MYLK: variants seen among roughly 807,000 people sequenced by gnomAD.
MYLK encodes the protein myosin light chain kinase, smooth muscle.
Under a neutral mutation model 203.4 loss-of-function variants are expected in MYLK, and 106 were observed. The ratio of observed to expected loss-of-function variants is 0.52; its 90% CI spans 0.45 to 0.61. The LOEUF (loss-of-function observed/expected upper bound fraction) is 0.61. Ranked by LOEUF, MYLK falls within the 20% of genes least tolerant of loss-of-function variation. The probability of loss-of-function intolerance (pLI) is 0.00; values close to 1 mark genes in which losing one functional copy is unlikely to be tolerated. For missense variants in MYLK, 2,072 were observed against 2,442.3 expected (o/e 0.85, Z 3.20); for synonymous variants, 867 against 959.5 (o/e 0.90, Z 1.78).
chr3:123,629,390 C>T lies in MYLK; in HGVS notation c.5114+84G>A. ...CCAAGGCGGGGTGGCAAGGAGGGCACCCCAACAGGCAAAGGAATCCCCCTT... is the reference window on the plus strand; with the variant it reads ...CCAAGGCGGGGTGGCAAGGAGGGCATCCCAACAGGCAAAGGAATCCCCCTT... On this transcript the variant is annotated intron_variant, in intron 30 of 33. Transcript: ENST00000360304. This position sits in a 1 kb window ranked among gnomAD's most constrained non-coding sequence, Gnocchi z 4.4. The T allele has an allele frequency of 6.4e-7, 1 of 1,565,722 alleles. No homozygotes were observed. The highest frequency in any genetic ancestry group is 8.8e-7 in the Non-Finnish European group (1 of 1,142,388).
rs28529354 is a variant in MYLK at position 123,640,599 on chromosome 3, T to C, written c.4620-95A>G. The C allele has an allele frequency of 4.6e-3, 6,194 of 1,358,958 alleles. 160 individuals are homozygous for C. In the African/African-American group the frequency reaches 0.063, roughly 14 times the overall value. 84.2% of individuals were successfully genotyped at this position (1,358,958 alleles called of 1,614,324 possible). A position where few individuals can be genotyped will look rare whatever the true frequency, so the allele number is the denominator to read the frequency against. ...CAGGGTAGGCTGGGGGTAGGAGAAATTGGCAGGAAAGCCCAGGGAATGGGG... is the reference window on the plus strand; with the variant it reads ...CAGGGTAGGCTGGGGGTAGGAGAAACTGGCAGGAAAGCCCAGGGAATGGGG... On this transcript the variant is annotated intron_variant, in intron 27 of 33. Coordinates refer to ENST00000360304, the MANE Select transcript of MYLK (RefSeq NM_053025.4). This position sits in a 1 kb window ranked among gnomAD's most constrained non-coding sequence, Gnocchi z 4.3.
At chr3:123,761,344 C>G (rs1378604369) in intron 4 of MYLK, among the ~76,000 whole-genome samples, 1 of 152,210 alleles carries the variant, frequency 6.6e-6, no homozygotes. Context: ...TCTCTGCAGC[C>G]TGTCTCTGTG....
intron 11 of MYLK, among the ~76,000 whole-genome samples, chr3:123,732,694 T>C (rs2062524397): frequency 6.6e-6 from 1 of 152,150 alleles, no homozygotes; most frequent in Admixed American, 6.5e-5. Context: ...TATTTTGAGG[T>C]GATTCTGATG....
At chr3:123,669,423 C>CTTTT (rs11337964) in intron 20 of MYLK, among the ~76,000 whole-genome samples, 7 of 144,280 alleles carry the variant, frequency 4.9e-5, no homozygotes, top group Non-Finnish European at 6.1e-5. Context: ...AGAGGAAAGG[C>CTTTT]TTTTTTTTTT....
intron 4 of MYLK, among the ~76,000 whole-genome samples, chr3:123,769,821 T>A (rs2063818063): frequency 6.6e-6 from 1 of 152,232 alleles, no homozygotes; most frequent in Non-Finnish European, 1.5e-5. Context: ...TAAGTATTTT[T>A]AAATTAATGT....
chr3:123,864,141 C>T (rs748701834), intron 2 of MYLK, among the ~76,000 whole-genome samples: 3 of 152,062 alleles, frequency 2.0e-5, no homozygotes, highest in Non-Finnish European at 4.4e-5. Flanking sequence ...CTAGGAGAGA[C>T]AAAACAAATC....
chr3:123,742,770 A>G (rs1487528525), intron 5 of MYLK, among the ~76,000 whole-genome samples: 1 of 152,242 alleles, frequency 6.6e-6, no homozygotes, highest in African/African-American at 2.4e-5. Flanking sequence ...GCATCCATAC[A>G]ATGAAGTATT....
chr3:123,655,622 C>A (rs746142886), intron 24 of MYLK, among the ~76,000 whole-genome samples: 1 of 152,184 alleles, frequency 6.6e-6, no homozygotes, highest in African/African-American at 2.4e-5. Flanking sequence ...AGTCAGGAAC[C>A]TGGAAGACAG....
chr3:123,764,199 G>A (rs2063627707), intron 4 of MYLK, among the ~76,000 whole-genome samples: 1 of 152,092 alleles, frequency 6.6e-6, no homozygotes, highest in African/African-American at 2.4e-5. Context: ...GCAGTCTTCT[G>A]TTTCTACTTG....
Position 123,640,232 on chromosome 3 carries a change from G to A in MYLK, c.4837+55C>T. ...TTTCCTCTCACACTCAGTGTGAGAG[G>A]AAACGGCCAGTGCAATACACACTGG... On this transcript the variant is annotated intron_variant, in intron 28 of 33. Coordinates refer to ENST00000360304, the MANE Select transcript of MYLK (RefSeq NM_053025.4). This position sits in a 1 kb window ranked among gnomAD's most constrained non-coding sequence, Gnocchi z 4.3. 1 of 1,520,560 alleles carries A rather than the reference G, an allele frequency of 6.6e-7. No homozygotes were observed. Among genetic ancestry groups the A allele is most frequent in the Non-Finnish European group, 9.1e-7 (1 of 1,096,196 alleles). 94.2% of individuals were successfully genotyped at this position (1,520,560 alleles called of 1,614,324 possible). A position where few individuals can be genotyped will look rare whatever the true frequency, so the allele number is the denominator to read the frequency against.
chr3:123,666,439 T>C (rs2059737794), intron 21 of MYLK, 93 bp from the exon 22 acceptor site: 6 of 1,571,824 alleles, frequency 3.8e-6, no homozygotes, highest in African/African-American at 2.7e-5. Context: ...TCTGTTGGCT[T>C]CTCTCTTGGC....
At chr3:123,622,612 GA>G (rs2057928243) in intron 31 of MYLK, 1 of 152,228 alleles carries the variant, frequency 6.6e-6, no homozygotes. Context: ...TAGTATTTCA[GA>G]GGAAGTAGTA....
chr3:123,653,933 C>T (rs529897267), intron 24 of MYLK, among the ~76,000 whole-genome samples: 3 of 151,972 alleles, frequency 2.0e-5, no homozygotes, highest in Admixed American at 1.3e-4. Flanking sequence ...CTTGATTGCC[C>T]CCCTGGGACC....
At chr3:123,772,448 A>G (rs73857515) in intron 4 of MYLK, among the ~76,000 whole-genome samples, 432 of 152,212 alleles carry the variant, frequency 2.8e-3, no homozygotes, top group African/African-American at 0.01. Flanking sequence ...ACACAGAAAC[A>G]TCCATTTTGA....
Position 123,612,549 on chromosome 3 carries a change from C to G in MYLK, c.*1556G>C, listed in dbSNP as rs1029917284. On this transcript the variant is annotated 3_prime_UTR_variant, in exon 34 of 34. Transcript: ENST00000360304. ...GAATGCGCTAAATCAAATAAAAACC[C>G]TTTATTATAATAAACTGTGGCAATA... 1 of 152,456 alleles carries G rather than the reference C, an allele frequency of 6.6e-6. No individual in the cohort carries two copies. The highest frequency in any genetic ancestry group is 2.1e-4 in the South Asian group (1 of 4,816). The allele number at this position is 152,456 out of a possible 1,614,324, so 9.4% of individuals were successfully genotyped here. A position where few individuals can be genotyped will look rare whatever the true frequency, so the allele number is the denominator to read the frequency against.
chr3:123,716,700 C>T (rs1380651382), intron 13 of MYLK, among the ~76,000 whole-genome samples: 1 of 152,188 alleles, frequency 6.6e-6, no homozygotes, highest in African/African-American at 2.4e-5. Context: ...TCACATGGGT[C>T]ACATTTTGCC....
At chr3:123,785,211 T>C (rs2064466089) in intron 4 of MYLK, among the ~76,000 whole-genome samples, 1 of 152,256 alleles carries the variant, frequency 6.6e-6, no homozygotes. Flanking sequence ...AGCGCAGCTA[T>C]GAATGCATTC....
intron 5 of MYLK, among the ~76,000 whole-genome samples, chr3:123,747,172 T>G (rs1292572456): frequency 6.6e-6 from 1 of 152,190 alleles, no homozygotes. Context: ...GAATTCAAGG[T>G]GGCCCGAGAA....
chr3:123,784,722 T>C (rs2064442495), intron 4 of MYLK, among the ~76,000 whole-genome samples: 2 of 152,248 alleles, frequency 1.3e-5, no homozygotes, highest in East Asian at 1.9e-4. Context: ...ACATCTGGTG[T>C]CCATGAATTA....
Sources: gnomAD v4.1 joint callset for allele counts (sites outside exome capture counted in the v4.1 genomes callset) on GRCh38, gnomAD v4.1.1 for gene constraint, Gnocchi (gnomAD v3.1) non-coding constraint, MANE v1.5 for transcripts, NCBI Gene and HGNC (gene_info 2026-07-23, HGNC 2026-07-21) for gene names.